FLNB: variants seen among roughly 807,000 people sequenced by gnomAD.
The protein encoded by FLNB is filamin B, also known as filamin-B.
In FLNB, 111 loss-of-function variants were observed where a neutral mutation model predicts 250.6. The ratio of observed to expected loss-of-function variants is 0.44; its 90% CI spans 0.38 to 0.52. The LOEUF (loss-of-function observed/expected upper bound fraction) is 0.52. FLNB is among the 20% of genes least tolerant of loss of function. The pLI, the probability that FLNB is intolerant of heterozygous loss-of-function variation, is 0.00. For synonymous variants in FLNB, 1,302 were observed against 1,372.1 expected, an observed-to-expected ratio of 0.95 and a Z score of 1.13; for missense variants, 2,869 against 3,447.8, an observed-to-expected ratio of 0.83 and a Z score of 4.20.
At chr3:58,017,015 G>T (rs1214094655) in intron 1 of FLNB, among the ~76,000 whole-genome samples, 3 of 152,120 alleles carry the variant, frequency 2.0e-5, no homozygotes, top group African/African-American at 7.2e-5. Flanking sequence ...TCTTCTTCAG[G>T]AGCTTGAGAA....
intron 22 of FLNB, among the ~76,000 whole-genome samples, chr3:58,124,884 C>T (rs1476858715): frequency 2.0e-5 from 3 of 152,162 alleles, no homozygotes; most frequent in African/African-American, 7.2e-5. Context: ...TCTCCACTAC[C>T]TGGAGATCGG....
intron 34 of FLNB, 32 bp downstream of exon 34, chr3:58,147,025 G>C (rs751471899): frequency 5.6e-6 from 9 of 1,611,446 alleles, no homozygotes; most frequent in Admixed American, 1.7e-5. Flanking sequence ...GGTCTTCCTC[G>C]TGGGAAGTAT....
At chr3:58,071,271 A>C (rs79856082) in intron 1 of FLNB, among the ~76,000 whole-genome samples, 3 of 110,658 alleles carry the variant, frequency 2.7e-5, no homozygotes, top group Admixed American at 1.0e-4. Context: ...TCTCTCCTCG[A>C]TTCTTTTTTT....
intron 22 of FLNB, among the ~76,000 whole-genome samples, chr3:58,125,321 T>TG (rs978037505): frequency 6.6e-6 from 1 of 152,108 alleles, no homozygotes; most frequent in South Asian, 2.1e-4. Context: ...TTTGTAGAGA[T>TG]GGGGTCTCGC....
intron 27 of FLNB, among the ~76,000 whole-genome samples, chr3:58,135,379 A>G (rs2885646): frequency 0.028 from 4,236 of 152,280 alleles, 186 homozygotes; most frequent in African/African-American, 0.094. Flanking sequence ...TCTGTCCTTA[A>G]GGTCTCCTCC....
intron 1 of FLNB, among the ~76,000 whole-genome samples, chr3:58,025,490 A>T (rs1481631090): frequency 1.3e-5 from 2 of 151,816 alleles, no homozygotes; most frequent in Non-Finnish European, 2.9e-5. Flanking sequence ...TCTTGGAAAG[A>T]TGCTCTCCCA....
intron 18 of FLNB, among the ~76,000 whole-genome samples, chr3:58,118,048 C>G (rs959478169): frequency 3.3e-5 from 5 of 152,056 alleles, no homozygotes; most frequent in Non-Finnish European, 5.9e-5. Context: ...CTTGGAGCCT[C>G]GATTTGGAGG....
intron 1 of FLNB, among the ~76,000 whole-genome samples, chr3:58,024,497 C>G (rs894111875): frequency 2.0e-5 from 3 of 151,952 alleles, no homozygotes; most frequent in African/African-American, 7.3e-5. Flanking sequence ...TGGGGGTGGT[C>G]TCTCCAGACT....
chr3:58,134,596 G>T lies in FLNB; in HGVS notation c.4515-20G>T. ...CATGTATCTTTATTGACTAGGGTGT[G>T]TGTGTGTGTGTCTATCAAGTCCCTT... is the stretch of plus-strand genomic sequence containing the variant. On this transcript the variant is annotated intron_variant, in intron 26 of 45. Coordinates refer to ENST00000295956, the MANE Select transcript of FLNB (RefSeq NM_001457.4). 1 of 1,609,522 alleles carries T rather than the reference G, an allele frequency of 6.2e-7. No homozygotes were observed. The highest frequency in any genetic ancestry group is 8.5e-7 in the Non-Finnish European group (1 of 1,175,852).
intron 1 of FLNB, among the ~76,000 whole-genome samples, chr3:58,033,626 A>G (rs2097133987): frequency 6.6e-6 from 1 of 152,158 alleles, no homozygotes; most frequent in Non-Finnish European, 1.5e-5. Context: ...TCCTGACCTC[A>G]GGTGATCACC....
intron 18 of FLNB, among the ~76,000 whole-genome samples, chr3:58,113,148 A>C (rs1483481990): frequency 6.6e-6 from 1 of 152,198 alleles, no homozygotes; most frequent in Non-Finnish European, 1.5e-5. Context: ...CCATCTCCAT[A>C]ATTCTTTACA....
chr3:58,049,425 C>T (rs1026353819), intron 1 of FLNB, among the ~76,000 whole-genome samples: 2 of 151,940 alleles, frequency 1.3e-5, no homozygotes, highest in African/African-American at 4.8e-5. Context: ...AAGAATGTGC[C>T]CTTGCTAGGT....
intron 1 of FLNB, among the ~76,000 whole-genome samples, chr3:58,072,839 A>G (rs1452819049): frequency 6.6e-6 from 1 of 152,244 alleles, no homozygotes; most frequent in Non-Finnish European, 1.5e-5. Context: ...CTCAGACTTC[A>G]ACTGGATCAT....
At position 58,134,714 on chromosome 3, in the gene FLNB, T is replaced by C. The variant is rs1342274063; in HGVS notation, c.4613T>C (p.Val1538Ala). The change falls in exon 27 of 46, where the codon GTG becomes GCG. Residue 1538 changes from valine to alanine, a missense_variant. Val to Ala is a moderately conservative substitution (Grantham distance 64). Transcript: ENST00000295956. Reference protein sequence around the residue: ...SSYGVPASLPVDFAIDARDAG... With the variant: ...SSYGVPASLPADFAIDARDAG... The stretch of plus-strand genomic sequence containing the variant: ...TATGGTGTGCCTGCCAGTCTACCTG[T>C]GGACTTTGCAATTGATGCCCGAGAT... The C allele has an allele frequency of 6.2e-7, 1 of 1,614,210 alleles. No homozygotes were observed. Among genetic ancestry groups the C allele is most frequent in the Non-Finnish European group, 8.5e-7 (1 of 1,180,016 alleles).
rs761719400 is a variant in FLNB, at chr3:58,148,633, CTG to C, written c.5888-12_5888-11del. On this transcript the variant is annotated splice_polypyrimidine_tract_variant and intron_variant, in intron 35 of 45. Transcript: ENST00000295956. The stretch of plus-strand genomic sequence containing the variant: ...CCGCCATCCCCTTACAAGCCCCAAT[CTG>C]TGTTCTGGTCCAGGCATCTCCTTCA... 1 of 1,610,168 alleles carries C rather than the reference CTG, an allele frequency of 6.2e-7. No homozygotes were observed. The highest frequency in any genetic ancestry group is 8.5e-7 in the Non-Finnish European group (1 of 1,176,382).
intron 39 of FLNB, 112 bp from the exon 40 acceptor site, chr3:58,154,679 A>G: frequency 4.3e-6 from 5 of 1,167,518 alleles, no homozygotes. Flanking sequence ...TTGGAGAAAG[A>G]GGAAAGGGCT....
chr3:58,047,880 T>C (rs2097156461), intron 1 of FLNB, among the ~76,000 whole-genome samples: 1 of 152,134 alleles, frequency 6.6e-6, no homozygotes, highest in African/African-American at 2.4e-5. Flanking sequence ...GTGTTTTTTA[T>C]TGAATCATTT....
chr3:58,109,963 A>G (rs751249433), intron 15 of FLNB, 47 bp from the exon 16 acceptor site: 2 of 1,610,302 alleles, frequency 1.2e-6, no homozygotes, highest in Non-Finnish European at 1.7e-6. Flanking sequence ...ATTGCACAGG[A>G]CATGCTGTTT....
chr3:58,156,632 C>G (rs554698214), intron 41 of FLNB, among the ~76,000 whole-genome samples: 148 of 152,308 alleles, frequency 9.7e-4, no homozygotes, highest in Middle Eastern at 3.4e-3. Context: ...GAGGTTTTGT[C>G]CACTGGGAAC....
Sources: allele counts gnomAD v4.1 joint callset (sites outside exome capture counted in the v4.1 genomes callset), GRCh38; gene constraint gnomAD v4.1.1; transcripts MANE v1.5; gene names NCBI Gene and HGNC (gene_info 2026-07-23, HGNC 2026-07-21).